USP34: variants seen among roughly 807,000 people sequenced by gnomAD.
The protein encoded by USP34 is ubiquitin carboxyl-terminal hydrolase 34.
Under a neutral mutation model 460.3 loss-of-function variants are expected in USP34, and 70 were observed. The ratio of observed to expected loss-of-function variants is 0.15; its 90% CI spans 0.13 to 0.19. USP34 has a LOEUF of 0.19. Among genes scored for constraint, USP34 ranks in the 10% least tolerant of loss-of-function variants. The pLI, the probability that USP34 is intolerant of heterozygous loss-of-function variation, is 1.00. For synonymous variants in USP34, 1,647 were observed against 1,405.3 expected (o/e 1.17, Z -3.85); for missense variants, 3,985 against 4,236.2 (o/e 0.94, Z 1.65).
rs1270236572 is a variant in USP34, at chr2:61,348,299, G to A, written c.1856C>T (p.Ala619Val). The A allele has an allele frequency of 1.2e-6, 2 of 1,614,074 alleles. No homozygotes were observed. Among genetic ancestry groups the A allele is most frequent in the South Asian group, 1.1e-5 (1 of 91,070 alleles). The change falls in exon 15 of 80, where the codon GCC becomes GTC. Residue 619 changes from alanine to valine, a missense_variant. Ala to Val is a moderately conservative substitution (Grantham distance 64). Coordinates refer to ENST00000398571, the MANE Select transcript of USP34 (RefSeq NM_014709.4). Reference sequence around the variant, plus strand: ...ATCGTCTTCATCTTCCTCTTTGAGGGCTTCAATATCTGCAATGTCTTCTGA... The same window carrying A: ...ATCGTCTTCATCTTCCTCTTTGAGGACTTCAATATCTGCAATGTCTTCTGA... ...VQSEDIADIE[A>V]LKEEDEDDDH... is the part of the protein sequence containing the mutation.
intron 16 of USP34, among the ~76,000 whole-genome samples, chr2:61,341,346 T>A (rs1302353841): frequency 2.0e-5 from 3 of 152,226 alleles, no homozygotes; most frequent in African/African-American, 7.2e-5. Context: ...ATGGTAGGTA[T>A]ATATTTAACT....
chr2:61,313,771 T>A (rs1558525099), intron 25 of USP34, among the ~76,000 whole-genome samples: 1 of 152,098 alleles, frequency 6.6e-6, no homozygotes, highest in Non-Finnish European at 1.5e-5. Context: ...ATGTTTCAAA[T>A]CATGGAAGCA....
intron 75 of USP34, among the ~76,000 whole-genome samples, chr2:61,198,923 C>CT (rs998838530): frequency 2.6e-5 from 4 of 152,256 alleles, no homozygotes; most frequent in South Asian, 2.1e-4. Context: ...TTACCAAACA[C>CT]TTTTTTGTGT....
chr2:61,387,602 C>T (rs1693192329), intron 5 of USP34, among the ~76,000 whole-genome samples: 2 of 144,840 alleles, frequency 1.4e-5, no homozygotes, highest in Admixed American at 1.4e-4. Flanking sequence ...TATATATACA[C>T]ACATATATAA....
intron 5 of USP34, among the ~76,000 whole-genome samples, chr2:61,387,027 C>T (rs1344306424): frequency 1.3e-5 from 2 of 152,114 alleles, no homozygotes; most frequent in East Asian, 3.8e-4. Context: ...ATCTAAAACA[C>T]ACAAGGAAAT....
chr2:61,451,814 C>A (rs953739044), intron 1 of USP34, among the ~76,000 whole-genome samples: 1 of 152,086 alleles, frequency 6.6e-6, no homozygotes, highest in Non-Finnish European at 1.5e-5. Context: ...CTACTTCATA[C>A]TTGATACCAA....
chr2:61,187,604 T>G lies in USP34; in HGVS notation c.*498A>C, dbSNP rs1218477335. 1.2e-6 allele frequency: 1 copy of G among 844,212 alleles called. No individual in the cohort carries two copies. Among genetic ancestry groups the G allele is most frequent in the Non-Finnish European group, 1.4e-6 (1 of 700,688 alleles). The allele number at this position is 844,212 out of a possible 1,614,324, so 52.3% of individuals were successfully genotyped here. ...GGTATTCTGTTAAATAAAGCACCAT[T>G]TATATACTGCCAGGCCACAGCTAAA... On this transcript the variant is annotated 3_prime_UTR_variant, in exon 80 of 80. Transcript: ENST00000398571.
At chr2:61,321,431 C>A (rs1690919217) in intron 21 of USP34, among the ~76,000 whole-genome samples, 1 of 152,116 alleles carries the variant, frequency 6.6e-6, no homozygotes, top group South Asian at 2.1e-4. Context: ...AGATTTGCGC[C>A]ACTGCTCTCC....
At chr2:61,428,574 G>T (rs1694577183) in intron 1 of USP34, among the ~76,000 whole-genome samples, 1 of 152,116 alleles carries the variant, frequency 6.6e-6, no homozygotes, top group Non-Finnish European at 1.5e-5. Flanking sequence ...AATTTAACCT[G>T]AATCTGATCA....
In USP34 at chr2:61,443,999, G is replaced by C. The variant is rs147427374; in HGVS notation, c.44-23166C>G. ...TAAAAAAATAATGCTGACCAGGCAA[G>C]GTGGCTCATGCCTGTAACCCTAGCA... On this transcript the variant is annotated intron_variant, in intron 1 of 79. Transcript: ENST00000398571. Among the ~76,000 whole-genome samples the C allele has an allele frequency of 3.3e-3, 510 of 152,292 alleles. 3 individuals are homozygous for C. Among genetic ancestry groups the C allele is most frequent in the Non-Finnish European group, 6.0e-3 (408 of 68,022 alleles).
intron 41 of USP34, among the ~76,000 whole-genome samples, chr2:61,277,294 T>G (rs1157674577): frequency 3.3e-5 from 5 of 150,580 alleles, no homozygotes; most frequent in African/African-American, 1.2e-4. Flanking sequence ...TACAGTGCAG[T>G]GGTGTGATCA....
At chr2:61,283,326 C>T in intron 36 of USP34, 57 bp from the exon 37 acceptor site, 2 of 1,585,214 alleles carry the variant, frequency 1.3e-6, no homozygotes, top group Non-Finnish European at 1.7e-6. Flanking sequence ...AATGAAAACA[C>T]AATGTTCAAT....
At chr2:61,239,300 TCACACACACA>T (rs60152908) in intron 53 of USP34, among the ~76,000 whole-genome samples, 3,085 of 132,804 alleles carry the variant, frequency 0.023, 97 homozygotes, top group African/African-American at 0.068. Context: ...GAGGGCCCTG[TCACACACACA>T]CACACACACA....
rs148226470 is a variant in USP34, at chr2:61,390,727, G to C, written c.753+4126C>G. Among the ~76,000 whole-genome samples, 3 of 152,034 alleles carry C rather than the reference G, an allele frequency of 2.0e-5. No individual in the cohort carries two copies. The East Asian group carries it at 5.8e-4, about 29-fold the overall frequency. On this transcript the variant is annotated intron_variant, in intron 5 of 79. Transcript: ENST00000398571. ...GATAAGGTAAGAATTTCCTTTCTTT[G>C]TTGATAATTCAAATCCAGAGAAGAG... is the stretch of plus-strand genomic sequence containing the variant.
intron 69 of USP34, among the ~76,000 whole-genome samples, chr2:61,211,166 A>G (rs1357915471): frequency 6.6e-6 from 1 of 152,158 alleles, no homozygotes; most frequent in African/African-American, 2.4e-5. Flanking sequence ...TCTTCAGTAA[A>G]GTACCATTAA....
intron 1 of USP34, among the ~76,000 whole-genome samples, chr2:61,441,140 A>G (rs2104024480): frequency 6.6e-6 from 1 of 151,072 alleles, no homozygotes; most frequent in South Asian, 2.1e-4. Flanking sequence ...AAAAAAAAAA[A>G]ATTTTTTTTT....
chr2:61,204,307 C>CGGA lies in USP34; in HGVS notation c.9330_9332dup (p.Pro3111dup). 3.1e-6 allele frequency: 5 copies of CGGA among 1,614,112 alleles called. No individual in the cohort carries two copies. The highest frequency in any genetic ancestry group is 4.2e-6 in the Non-Finnish European group (5 of 1,180,022). On this transcript the variant is annotated inframe_insertion, in exon 74 of 80. Transcript: ENST00000398571. ...AGAGGCACATATTGAGTTCAGGGCG[C>CGGA]GGAGGCCGAATATTGCTTTTCCCTC...
At chr2:61,409,138 T>C (rs1294319215) in intron 2 of USP34, among the ~76,000 whole-genome samples, 1 of 152,074 alleles carries the variant, frequency 6.6e-6, no homozygotes, top group Non-Finnish European at 1.5e-5. Context: ...AAGAATTGCT[T>C]GAACTCGGGA....
chr2:61,445,362 C>T (rs1235865593), intron 1 of USP34, among the ~76,000 whole-genome samples: 1 of 150,054 alleles, frequency 6.7e-6, no homozygotes, highest in Non-Finnish European at 1.5e-5. Context: ...AGTGAAACCC[C>T]ATCTCTACGA....
Sources: allele counts gnomAD v4.1 joint callset (sites outside exome capture counted in the v4.1 genomes callset), GRCh38; gene constraint gnomAD v4.1.1; transcripts MANE v1.5; gene names NCBI Gene and HGNC (gene_info 2026-07-23, HGNC 2026-07-21).